GALNTL6: variants seen among roughly 807,000 people sequenced by gnomAD.
GALNTL6 encodes polypeptide N-acetylgalactosaminyltransferase like 6, also known as polypeptide N-acetylgalactosaminyltransferase-like 6.
In GALNTL6, 46 loss-of-function variants were observed where a neutral mutation model predicts 73.7. The observed-to-expected ratio is 0.62, with a 90% CI of 0.49 to 0.80. The LOEUF (loss-of-function observed/expected upper bound fraction) is 0.80. GALNTL6 is among the 30% of genes least tolerant of loss of function. The pLI, the probability that GALNTL6 is intolerant of heterozygous loss-of-function variation, is 0.00. For missense variants in GALNTL6, 604 were observed against 755.0 expected, an observed-to-expected ratio of 0.80 and a Z score of 2.34; for synonymous variants, 259 against 263.7, an observed-to-expected ratio of 0.98 and a Z score of 0.17.
chr4:172,370,800 G>C (rs566474338), intron 5 of GALNTL6, among the ~76,000 whole-genome samples: 14 of 152,250 alleles, frequency 9.2e-5, no homozygotes, highest in African/African-American at 3.4e-4. Context: ...GGGAGGTCTA[G>C]ACCTCAGCGG....
At chr4:172,272,590 G>GGC (rs1738693332) in intron 3 of GALNTL6, among the ~76,000 whole-genome samples, 1 of 152,150 alleles carries the variant, frequency 6.6e-6, no homozygotes, top group Non-Finnish European at 1.5e-5. Context: ...ACTGTTGTCT[G>GGC]TGCAGTAGGT....
At chr4:171,958,239 T>G (rs1739115130) in intron 2 of GALNTL6, among the ~76,000 whole-genome samples, 1 of 152,170 alleles carries the variant, frequency 6.6e-6, no homozygotes, top group Admixed American at 6.5e-5. Context: ...TTGTGTGATA[T>G]CCACAGATAT....
chr4:172,601,013 T>C (rs1001985888), intron 5 of GALNTL6, among the ~76,000 whole-genome samples: 3 of 151,392 alleles, frequency 2.0e-5, no homozygotes, highest in African/African-American at 7.3e-5. Flanking sequence ...CCAGAAATGA[T>C]TGGAAGATGA....
chr4:171,983,554 C>A (rs1254936724), intron 2 of GALNTL6, among the ~76,000 whole-genome samples: 1 of 151,800 alleles, frequency 6.6e-6, no homozygotes, highest in Non-Finnish European at 1.5e-5. Context: ...TGCAGTGGTG[C>A]CATCACGGCT....
chr4:171,859,969 A>T (rs1324766091), intron 2 of GALNTL6, among the ~76,000 whole-genome samples: 1 of 152,246 alleles, frequency 6.6e-6, no homozygotes, highest in Non-Finnish European at 1.5e-5. Flanking sequence ...TTATATTCCC[A>T]GGGCTCTGAG....
At chr4:171,827,087 T>C (rs1267031184) in intron 2 of GALNTL6, among the ~76,000 whole-genome samples, 3 of 152,092 alleles carry the variant, frequency 2.0e-5, no homozygotes, top group African/African-American at 7.2e-5. Context: ...ATGGGATCAG[T>C]GTTCCAAAGT....
intron 5 of GALNTL6, among the ~76,000 whole-genome samples, chr4:172,767,299 G>T (rs1266754728): frequency 1.3e-5 from 2 of 152,126 alleles, no homozygotes; most frequent in Non-Finnish European, 2.9e-5. Context: ...TATCACAGAG[G>T]CCAGATGTTT....
intron 9 of GALNTL6, among the ~76,000 whole-genome samples, chr4:172,938,428 C>T (rs954853511): frequency 6.6e-6 from 1 of 152,198 alleles, no homozygotes; most frequent in African/African-American, 2.4e-5. Flanking sequence ...AGCACAATGT[C>T]AGGCAAACGC....
At chr4:171,889,755 GA>G (rs1449923197) in intron 2 of GALNTL6, among the ~76,000 whole-genome samples, 3 of 152,018 alleles carry the variant, frequency 2.0e-5, no homozygotes, top group Admixed American at 6.6e-5. Flanking sequence ...TTAACAAGGT[GA>G]AAAAAATCTC....
intron 5 of GALNTL6, among the ~76,000 whole-genome samples, chr4:172,685,037 A>C (rs1732837763): frequency 6.6e-6 from 1 of 152,216 alleles, no homozygotes; most frequent in Non-Finnish European, 1.5e-5. Flanking sequence ...TACCTACAGC[A>C]TTTAAGATAT....
chr4:172,626,200 A>T (rs1274527612), intron 5 of GALNTL6, among the ~76,000 whole-genome samples: 1 of 151,996 alleles, frequency 6.6e-6, no homozygotes, highest in Non-Finnish European at 1.5e-5. Context: ...TTTATGTATG[A>T]TGAAACGTAG....
chr4:172,301,926 G>A (rs867902537), intron 3 of GALNTL6, among the ~76,000 whole-genome samples: 1 of 152,178 alleles, frequency 6.6e-6, no homozygotes, highest in Non-Finnish European at 1.5e-5. Flanking sequence ...GTCTGCAGAG[G>A]TTTGTGCTGC....
At chr4:172,857,075 C>T (rs1744158251) in intron 7 of GALNTL6, among the ~76,000 whole-genome samples, 1 of 152,226 alleles carries the variant, frequency 6.6e-6, no homozygotes, top group Non-Finnish European at 1.5e-5. Context: ...CCAGCAGTAA[C>T]TGGATGACCT....
At chr4:172,977,893 G>A (rs1263360235) in intron 10 of GALNTL6, among the ~76,000 whole-genome samples, 1 of 152,210 alleles carries the variant, frequency 6.6e-6, no homozygotes, top group Non-Finnish European at 1.5e-5. Flanking sequence ...AGGCTGGAGT[G>A]CAATGGCGTG....
At chr4:172,496,746 G>A (rs1340432987) in intron 5 of GALNTL6, among the ~76,000 whole-genome samples, 1 of 152,060 alleles carries the variant, frequency 6.6e-6, no homozygotes, top group African/African-American at 2.4e-5. Context: ...ATTTAAAATG[G>A]TAACAATGTA....
intron 2 of GALNTL6, among the ~76,000 whole-genome samples, chr4:171,950,482 C>G (rs201187051): frequency 7.1e-6 from 1 of 141,442 alleles, no homozygotes; most frequent in Admixed American, 7.2e-5. Flanking sequence ...CTTTTCTTTT[C>G]TTTTTTTTTT....
At chr4:172,313,365 C>T (rs1201740020) in intron 4 of GALNTL6, among the ~76,000 whole-genome samples, 2 of 152,156 alleles carry the variant, frequency 1.3e-5, no homozygotes, top group African/African-American at 4.8e-5. Flanking sequence ...CCTCGTGATC[C>T]GCCCACCTCA....
chr4:172,419,992 CAG>C (rs1326227675), intron 5 of GALNTL6, among the ~76,000 whole-genome samples: 1 of 152,132 alleles, frequency 6.6e-6, no homozygotes. Flanking sequence ...TGTGAAAAAA[CAG>C]AGGGATGTTA....
intron 5 of GALNTL6, among the ~76,000 whole-genome samples, chr4:172,710,675 G>A (rs1470101723): frequency 4.6e-5 from 7 of 151,916 alleles, no homozygotes; most frequent in Admixed American, 1.3e-4. Context: ...TTTGCTTCTA[G>A]GAAAATAATA....
Sources: gnomAD v4.1 joint callset for allele counts (sites outside exome capture counted in the v4.1 genomes callset) on GRCh38, gnomAD v4.1.1 for gene constraint, MANE v1.5 for transcripts, NCBI Gene and HGNC (gene_info 2026-07-23, HGNC 2026-07-21) for gene names.